EPRS1: variants seen among roughly 807,000 people sequenced by gnomAD.
The protein encoded by EPRS1 is bifunctional glutamate/proline--tRNA ligase.
In EPRS1, 107 loss-of-function variants were observed where a neutral mutation model predicts 188.3. That is an observed-to-expected ratio of 0.57 (90% CI 0.49 to 0.67). The LOEUF is 0.67. Among genes scored for constraint, EPRS1 ranks in the 30% least tolerant of loss-of-function variants. The probability of loss-of-function intolerance (pLI) is 0.00; values close to 1 mark genes in which losing one functional copy is unlikely to be tolerated. For synonymous variants in EPRS1, 596 were observed against 593.1 expected (o/e 1.00, Z -0.07); for missense variants, 1,577 against 1,802.2 (o/e 0.88, Z 2.26).
chr1:220,006,151 T>C lies in EPRS1; in HGVS notation c.1905A>G (p.Leu635=), dbSNP rs1160870564. 6.3e-7 allele frequency: 1 copy of C among 1,596,640 alleles called. No homozygotes were observed. The highest frequency in any genetic ancestry group is 2.3e-5 in the East Asian group (1 of 44,212). Residue 635 remains leucine, a synonymous_variant, in exon 15 of 32, where the codon CTA becomes CTG. Coordinates refer to ENST00000366923, the MANE Select transcript of EPRS1 (RefSeq NM_004446.3). ...ACTGCTTAAAGTCCTCGTCTTTTCC[T>C]AGCACTGGCTTTGTGATCAAGTGCT... ...TYEHLITKPV[L]GKDEDFKQYV...
Position 220,046,432 on chromosome 1 carries a change from G to A in EPRS1, c.-44C>T, listed in dbSNP as rs1286063815. On this transcript the variant is annotated 5_prime_UTR_variant, in exon 1 of 32. Transcript: ENST00000366923. Reference sequence around the variant, plus strand: ...CCACCTGTCAGTACGCCTGGCTCGTGCCAGAACTACGGAGGACCCCGCGAA... The same window carrying A: ...CCACCTGTCAGTACGCCTGGCTCGTACCAGAACTACGGAGGACCCCGCGAA... 3.1e-6 allele frequency: 5 copies of A among 1,612,090 alleles called. No individual in the cohort carries two copies. Among genetic ancestry groups the A allele is most frequent in the Middle Eastern group, 1.6e-4 (1 of 6,076 alleles).
intron 19 of EPRS1, among the ~76,000 whole-genome samples, chr1:219,987,846 T>G (rs1044681224): frequency 2.6e-5 from 4 of 152,184 alleles, no homozygotes; most frequent in African/African-American, 9.7e-5. Context: ...AAAATTCACT[T>G]CCTCAGTCAC....
Position 220,001,235 on chromosome 1 carries a change from G to A in EPRS1, c.2084C>T (p.Ala695Val). 2.5e-6 allele frequency: 4 copies of A among 1,611,738 alleles called. No homozygotes were observed. The highest frequency in any genetic ancestry group is 3.4e-6 in the Non-Finnish European group (4 of 1,177,920). ...EPVSPYSCKE[A>V]PCVLIYIPDG... ...AGGAATGTATATCAAAACACACGGG[G>A]CTTCCTTGCAACTATATGGGCTAAA... is the stretch of plus-strand genomic sequence containing the variant. The change falls in exon 17 of 32, where the codon GCC becomes GTC. Residue 695 changes from alanine (A) to valine (V), a missense_variant. Coordinates refer to ENST00000366923, the MANE Select transcript of EPRS1 (RefSeq NM_004446.3).
At chr1:219,976,397 C>T (rs1178070250) in intron 28 of EPRS1, among the ~76,000 whole-genome samples, 1 of 152,164 alleles carries the variant, frequency 6.6e-6, no homozygotes, top group East Asian at 1.9e-4. Context: ...AGTCAGACAG[C>T]TCCTGAAAGC....
At chr1:219,985,373 T>C (rs1447058028) in intron 20 of EPRS1, among the ~76,000 whole-genome samples, 1 of 152,124 alleles carries the variant, frequency 6.6e-6, no homozygotes, top group Non-Finnish European at 1.5e-5. Context: ...GATGTGTGCA[T>C]ATTAGCCAAA....
chr1:220,041,432 T>C (rs1438037747), intron 1 of EPRS1, among the ~76,000 whole-genome samples: 2 of 152,166 alleles, frequency 1.3e-5, no homozygotes, highest in Non-Finnish European at 2.9e-5. Context: ...ACAAAATATA[T>C]AGCAGTCAGG....
intron 2 of EPRS1, 130 bp downstream of exon 2, chr1:220,040,055 C>T (rs1438972528): frequency 1.7e-6 from 1 of 605,668 alleles, no homozygotes; most frequent in Non-Finnish European, 2.9e-6. Context: ...ATCCTGAGTC[C>T]ACGAGTTCTA....
chr1:219,973,181 A>C, intron 29 of EPRS1, 57 bp downstream of exon 29: 1 of 1,474,316 alleles, frequency 6.8e-7, no homozygotes. Context: ...CTTGGTAAAG[A>C]TCTCAAAGGT....
At chr1:219,992,386 AT>A (rs1661140306) in intron 18 of EPRS1, among the ~76,000 whole-genome samples, 2 of 152,218 alleles carry the variant, frequency 1.3e-5, no homozygotes, top group Non-Finnish European at 2.9e-5. Flanking sequence ...TGACAAAACA[AT>A]TGTGAATTAT....
chr1:219,969,820 A>C (rs1660630330), intron 30 of EPRS1, among the ~76,000 whole-genome samples: 1 of 151,730 alleles, frequency 6.6e-6, no homozygotes, highest in African/African-American at 2.4e-5. Context: ...GACAAGCATT[A>C]AAAAAAAATT....
intron 3 of EPRS1, among the ~76,000 whole-genome samples, chr1:220,034,196 TA>T (rs1431901502): frequency 6.6e-6 from 1 of 152,172 alleles, no homozygotes; most frequent in African/African-American, 2.4e-5. Flanking sequence ...AATGGTCCCA[TA>T]AGATTATAGT....
chr1:220,031,148 G>C (rs1219192909), intron 5 of EPRS1, among the ~76,000 whole-genome samples: 1 of 151,816 alleles, frequency 6.6e-6, no homozygotes, highest in African/African-American at 2.4e-5. Flanking sequence ...TAACAGAGTA[G>C]GTAAGGCACA....
rs369984665 is a variant in EPRS1 at position 220,036,151 on chromosome 1, G to A, written c.132-1138C>T. On this transcript the variant is annotated intron_variant, in intron 2 of 31. Coordinates refer to ENST00000366923, the MANE Select transcript of EPRS1 (RefSeq NM_004446.3). ...GGAAGTGGAGGTTGCAGTGAGCCAA[G>A]ATCGTGCCACTGCACTCCAGCCTGG... Among the ~76,000 whole-genome samples, 62 of 152,348 alleles carry A rather than the reference G, an allele frequency of 4.1e-4. 1 individual carries two copies. Among genetic ancestry groups the A allele is most frequent in the African/African-American group, 1.4e-3 (60 of 41,588 alleles).
intron 17 of EPRS1, among the ~76,000 whole-genome samples, chr1:219,998,913 A>T (rs1387324408): frequency 1.2e-5 from 1 of 84,666 alleles, no homozygotes; most frequent in East Asian, 2.6e-4. Flanking sequence ...ATATGAGTGT[A>T]ACACCAAAAA....
At chr1:220,018,601 A>AC (rs1661790948) in intron 11 of EPRS1, 93 bp from the exon 12 acceptor site, 4 of 826,706 alleles carry the variant, frequency 4.8e-6, no homozygotes, top group Non-Finnish European at 8.0e-6. Context: ...AAAAAAAAAA[A>AC]AAACTCGATA....
At chr1:219,996,828 A>G (rs993434567) in intron 18 of EPRS1, among the ~76,000 whole-genome samples, 155 bp downstream of exon 18, 4 of 152,178 alleles carry the variant, frequency 2.6e-5, no homozygotes, top group Non-Finnish European at 5.9e-5. Flanking sequence ...CTTCTTATAT[A>G]TATTTTCAGA....
chr1:220,011,991 C>G (rs1661614861), intron 12 of EPRS1, among the ~76,000 whole-genome samples: 1 of 72,780 alleles, frequency 1.4e-5, no homozygotes, highest in African/African-American at 4.7e-5. Flanking sequence ...TCCATTGTTG[C>G]CATTATTGGG....
At chr1:220,006,348 T>A (rs74139277) in intron 14 of EPRS1, 35 bp from the exon 15 acceptor site, 1 of 864,708 alleles carries the variant, frequency 1.2e-6, no homozygotes, top group South Asian at 2.6e-5. Context: ...AAAGAAATAT[T>A]AACCACAGCT....
chr1:219,995,631 AGTAACTGTGGT>A (rs1275257095), intron 18 of EPRS1, among the ~76,000 whole-genome samples: 1 of 152,210 alleles, frequency 6.6e-6, no homozygotes, highest in Non-Finnish European at 1.5e-5. Flanking sequence ...CTGCTGCAAA[AGTAACTGTGGT>A]TTTTGCCATT....
Sources: allele counts gnomAD v4.1 joint callset (sites outside exome capture counted in the v4.1 genomes callset), GRCh38; gene constraint gnomAD v4.1.1; transcripts MANE v1.5; gene names NCBI Gene and HGNC (gene_info 2026-07-23, HGNC 2026-07-21).